The following AP1S3 variants were observed in gnomAD, a reference collection of about 807,000 sequenced individuals.
AP1S3 encodes the protein adaptor related protein complex 1 subunit sigma 3, also known as AP-1 complex subunit sigma-3.
In AP1S3, 10 loss-of-function variants were observed where a neutral mutation model predicts 20.9. The ratio of observed to expected loss-of-function variants is 0.48; its 90% CI spans 0.29 to 0.81. The LOEUF is 0.81. Among genes scored for constraint, AP1S3 ranks in the 30% least tolerant of loss-of-function variants. The probability of loss-of-function intolerance (pLI) is 0.08; values close to 1 mark genes in which losing one functional copy is unlikely to be tolerated. For missense variants in AP1S3, 154 were observed against 183.8 expected (o/e 0.84, Z 0.94); for synonymous variants, 41 against 61.5 (o/e 0.67, Z 1.56).
Position 223,756,962 on chromosome 2 carries a change from C to A in AP1S3, c.*1753G>T. 7.1e-6 allele frequency: 7 copies of A among 982,756 alleles called. No individual in the cohort carries two copies. Among genetic ancestry groups the A allele is most frequent in the Non-Finnish European group, 8.5e-6 (7 of 828,032 alleles). The allele number at this position is 982,756 out of a possible 1,614,324, so 60.9% of individuals were successfully genotyped here. A position where few individuals can be genotyped will look rare whatever the true frequency, so the allele number is the denominator to read the frequency against. The stretch of plus-strand genomic sequence containing the variant: ...AAACATCAAATAGCAGGCAGCAAGA[C>A]AGAATACTACAAGCTTTTACTTTTT... On this transcript the variant is annotated 3_prime_UTR_variant, in exon 5 of 5. Transcript: ENST00000396654.
At chr2:223,764,037 GC>G in intron 4 of AP1S3, among the ~76,000 whole-genome samples, 1 of 152,222 alleles carries the variant, frequency 6.6e-6, no homozygotes, top group East Asian at 1.9e-4. Context: ...TACTGCCTCA[GC>G]CTCCCAAGTA....
intron 1 of AP1S3, among the ~76,000 whole-genome samples, chr2:223,831,143 C>A (rs1159705973): frequency 1.3e-5 from 2 of 152,070 alleles, no homozygotes; most frequent in Non-Finnish European, 2.9e-5. Flanking sequence ...GCCCCTTTCT[C>A]TTTTGGAGAT....
At chr2:223,775,562 T>C (rs7605731) in intron 3 of AP1S3, among the ~76,000 whole-genome samples, 99,736 of 152,036 alleles carry the variant, frequency 0.66, 33,542 homozygotes, top group East Asian at 0.81. Context: ...TTTGGGTGGC[T>C]GGGCACGGTA....
At chr2:223,788,986 T>A (rs1488060282) in intron 1 of AP1S3, among the ~76,000 whole-genome samples, 1 of 152,140 alleles carries the variant, frequency 6.6e-6, no homozygotes, top group Admixed American at 6.6e-5. Context: ...CTTTAGGTAC[T>A]AACAATGAAG....
intron 1 of AP1S3, among the ~76,000 whole-genome samples, chr2:223,830,389 G>T (rs2106041021): frequency 6.7e-6 from 1 of 150,226 alleles, no homozygotes; most frequent in African/African-American, 2.5e-5. Flanking sequence ...TGAGGCAGGA[G>T]AATTGCTTGA....
intron 4 of AP1S3, among the ~76,000 whole-genome samples, chr2:223,759,855 T>A (rs1275438415): frequency 1.3e-5 from 2 of 152,144 alleles, no homozygotes; most frequent in Admixed American, 6.6e-5. Context: ...CACTTTTAAG[T>A]GAGAACATGT....
intron 1 of AP1S3, among the ~76,000 whole-genome samples, chr2:223,818,727 A>T (rs1045685448): frequency 6.6e-6 from 1 of 151,900 alleles, no homozygotes; most frequent in African/African-American, 2.4e-5. Flanking sequence ...TAATTTTTGT[A>T]TTTCTTAGTA....
intron 1 of AP1S3, among the ~76,000 whole-genome samples, chr2:223,831,043 G>T (rs934914237): frequency 6.6e-6 from 1 of 151,800 alleles, no homozygotes; most frequent in Non-Finnish European, 1.5e-5. Flanking sequence ...CTTTTTAATA[G>T]AGACTGAGTC....
intron 3 of AP1S3, among the ~76,000 whole-genome samples, chr2:223,775,679 TA>T (rs1418779012): frequency 1.3e-5 from 2 of 152,268 alleles, no homozygotes; most frequent in East Asian, 3.9e-4. Flanking sequence ...CATATCTATT[TA>T]AAAAGAAAAA....
intron 1 of AP1S3, among the ~76,000 whole-genome samples, chr2:223,815,205 T>C (rs1003783941): frequency 6.6e-5 from 10 of 152,248 alleles, no homozygotes; most frequent in African/African-American, 2.4e-5. Context: ...CCATAAACCA[T>C]GTTGGAAAAA....
intron 1 of AP1S3, among the ~76,000 whole-genome samples, chr2:223,806,028 C>T (rs1691571153): frequency 6.6e-6 from 1 of 152,198 alleles, no homozygotes. Context: ...ACATCAGACT[C>T]TCAACTTCTA....
In AP1S3 at chr2:223,765,318, T is replaced by C; in HGVS notation, c.324A>G (p.Glu108=). The C allele has an allele frequency of 1.2e-6, 2 of 1,613,016 alleles. No individual in the cohort carries two copies. The highest frequency in any genetic ancestry group is 1.7e-6 in the Non-Finnish European group (2 of 1,179,812). ...ACTCGTCCAGGATGAAATAAGCCTT[T>C]TCAAAATTAAAGATAATATCCAGCT... ...VCELDIIFNF[E]KAYFILDEFI... is the part of the protein sequence containing the mutation. The change falls in exon 4 of 5, where the codon GAA becomes GAG. Residue 108 remains glutamate, a synonymous_variant. Transcript: ENST00000396654.
At chr2:223,830,296 T>C (rs2106040934) in intron 1 of AP1S3, among the ~76,000 whole-genome samples, 1 of 151,900 alleles carries the variant, frequency 6.6e-6, no homozygotes, top group South Asian at 2.1e-4. Context: ...CTGGCCAACA[T>C]AGTGAAACCC....
chr2:223,807,867 CTT>C (rs138805104), intron 1 of AP1S3, among the ~76,000 whole-genome samples: 439 of 43,234 alleles, frequency 0.01, 2 homozygotes, highest in African/African-American at 0.041. Flanking sequence ...CATTTCTTTT[CTT>C]TTTTTTTTTT....
chr2:223,795,625 C>T (rs1011268920), intron 1 of AP1S3, among the ~76,000 whole-genome samples: 1 of 152,090 alleles, frequency 6.6e-6, no homozygotes. Context: ...AGTGGAATAG[C>T]TTGATTGTTA....
chr2:223,830,495 A>C (rs1264402618), intron 1 of AP1S3, among the ~76,000 whole-genome samples: 2 of 151,862 alleles, frequency 1.3e-5, no homozygotes, highest in Non-Finnish European at 2.9e-5. Flanking sequence ...AAAAAAAAAA[A>C]AATTATCATT....
chr2:223,765,089 AT>A (rs1690444666), intron 4 of AP1S3, 123 bp downstream of exon 4: 1 of 1,358,258 alleles, frequency 7.4e-7, no homozygotes, highest in Non-Finnish European at 9.8e-7. Context: ...ATACATATAA[AT>A]AGTTTAGAAA....
chr2:223,832,088 AAT>A (rs1257204244), intron 1 of AP1S3, among the ~76,000 whole-genome samples: 61,317 of 133,992 alleles, frequency 0.46, 15,671 homozygotes, highest in Middle Eastern at 0.56. Context: ...AAAAAAAAAA[AAT>A]CAAAAAAAGG....
chr2:223,769,333 G>T (rs1487090951), intron 3 of AP1S3, among the ~76,000 whole-genome samples: 3 of 152,158 alleles, frequency 2.0e-5, no homozygotes, highest in Non-Finnish European at 4.4e-5. Context: ...AAACTTAAAA[G>T]TTTCACTAAC....
Sources: allele counts gnomAD v4.1 joint callset (sites outside exome capture counted in the v4.1 genomes callset), GRCh38; gene constraint gnomAD v4.1.1; transcripts MANE v1.5; gene names NCBI Gene and HGNC (gene_info 2026-07-23, HGNC 2026-07-21).